The following NIBAN3 variants were observed in gnomAD, a reference collection of about 807,000 sequenced individuals.
NIBAN3 encodes the protein protein Niban 3.
In NIBAN3, 66 loss-of-function variants were observed where a neutral mutation model predicts 76.4. That is an observed-to-expected ratio of 0.86 (90% confidence interval 0.71 to 1.06). The LOEUF (loss-of-function observed/expected upper bound fraction) is 1.06, where lower values mean the gene tolerates loss of function less well. Ranked by LOEUF, NIBAN3 falls within the 50% of genes least tolerant of loss-of-function variation. The pLI is 0.00. For missense variants in NIBAN3, 808 were observed against 810.7 expected (o/e 1.00, Z 0.04); for synonymous variants, 360 against 355.2 (o/e 1.01, Z -0.15).
In NIBAN3 at chr19:17,553,268, G is replaced by T. The variant is rs758504712; in HGVS notation, c.*1370G>T. On this transcript the variant is annotated 3_prime_UTR_variant, in exon 15 of 15. Transcript: ENST00000599164. ...TGTGATACAGGTTACAGATTTTGGG[G>T]TTTTTTTCTCCGCTTGCTGTGAGCC... is the stretch of plus-strand genomic sequence containing the variant. 82 of 1,597,940 alleles carry T rather than the reference G, an allele frequency of 5.1e-5. No homozygotes were observed. The highest frequency in any genetic ancestry group is 2.0e-4 in the East Asian group (9 of 44,630).
At position 17,546,791 on chromosome 19, in the gene NIBAN3, G is replaced by T; in HGVS notation, c.1660G>T (p.Asp554Tyr). ...CCGGGGGTGCTTGCTGCAGAGGATT[G>T]ACCAAGGTGAGTCCCGCCCTGCCAT... is the stretch of plus-strand genomic sequence containing the variant. ...VIRGCLLQRI[D>Y]QELKKTLGAN... Residue 554 changes from aspartate to tyrosine, a missense_variant, in exon 13 of 15, where the codon GAC becomes TAC. Coordinates refer to ENST00000599164, the MANE Select transcript of NIBAN3 (RefSeq NM_001321827.2). The T allele has an allele frequency of 6.3e-7, 1 of 1,595,048 alleles. No homozygotes were observed. The highest frequency in any genetic ancestry group is 1.1e-5 in the South Asian group (1 of 87,696).
intron 4 of NIBAN3, among the ~76,000 whole-genome samples, chr19:17,534,659 CG>C (rs2075791611): frequency 6.6e-6 from 1 of 151,968 alleles, no homozygotes; most frequent in African/African-American, 2.4e-5. Context: ...GTTGTGGTGG[CG>C]GGCACCTGTA....
chr19:17,533,456 A>AGAGG, intron 3 of NIBAN3, 131 bp from the exon 4 acceptor site: 1 of 494,512 alleles, frequency 2.0e-6, no homozygotes, highest in East Asian at 3.3e-5. Flanking sequence ...GGAGGAAAGG[A>AGAGG]GAGGGAGGGA....
chr19:17,543,991 CAAAAA>C (rs11313110), intron 12 of NIBAN3: 16 of 64,394 alleles, frequency 2.5e-4, no homozygotes, highest in South Asian at 4.5e-4. Context: ...AACTCAGTCT[CAAAAA>C]AAAAAAAAAA....
chr19:17,553,609 G>A lies in NIBAN3; in HGVS notation c.*1711G>A, dbSNP rs34631213. ...CTATTTCCCTCCAACCCCACCTTCC[G>A]AAATACATTTGCTCAATACATTTGC... On this transcript the variant is annotated 3_prime_UTR_variant, in exon 15 of 15. Coordinates refer to ENST00000599164, the MANE Select transcript of NIBAN3 (RefSeq NM_001321827.2). 0.24 allele frequency: 367,579 copies of A among 1,525,208 alleles called. 46,002 individuals carry two copies. Among genetic ancestry groups the A allele is most frequent in the African/African-American group, 0.36 (25,986 of 73,046 alleles). The allele number at this position is 1,525,208 out of a possible 1,614,324, so 94.5% of individuals were successfully genotyped here. A position where few individuals can be genotyped will look rare whatever the true frequency, so the allele number is the denominator to read the frequency against.
In NIBAN3 at chr19:17,530,801, G is replaced by A. The variant is rs750514328; in HGVS notation, c.102G>A (p.Gly34=). The A allele has an allele frequency of 1.2e-6, 2 of 1,613,230 alleles. No individual in the cohort carries two copies. The highest frequency in any genetic ancestry group is 4.5e-5 in the East Asian group (2 of 44,818). ...GGAACTTCCTGCCTTGCTACCGTGG[G>A]CAGCTGGCAGCGTCTGTCCTGCGGC... The part of the protein sequence containing the change: ...LLRNFLPCYR[G]QLAASVLRQI... The change falls in exon 2 of 15, where the codon GGG becomes GGA. Residue 34 remains glycine, a synonymous_variant. Coordinates refer to ENST00000599164, the MANE Select transcript of NIBAN3 (RefSeq NM_001321827.2).
At chr19:17,523,556 G>T, upstream of NIBAN3, 1 of 1,006,878 alleles carries the variant, frequency 9.9e-7, no homozygotes, top group Non-Finnish European at 1.5e-6. Context: ...ACGGGGCTGC[G>T]AAGTGAAGGG....
intron 14 of NIBAN3, among the ~76,000 whole-genome samples, chr19:17,550,441 T>C (rs1166352691): frequency 6.6e-6 from 1 of 151,950 alleles, no homozygotes; most frequent in African/African-American, 2.4e-5. Flanking sequence ...CCAAGATAGG[T>C]GGATTGCTTG....
intron 13 of NIBAN3, among the ~76,000 whole-genome samples, chr19:17,548,936 TG>T (rs201931318): frequency 0.036 from 5,231 of 147,264 alleles, 259 homozygotes; most frequent in African/African-American, 0.11. Context: ...AAAAAAAAGT[TG>T]TTTTTTTTTT....
chr19:17,524,267 G>A (rs921844221), upstream of NIBAN3, among the ~76,000 whole-genome samples: 10 of 151,480 alleles, frequency 6.6e-5, no homozygotes, highest in Non-Finnish European at 1.0e-4. Context: ...TTCCTTGCCC[G>A]TCTCATCATC....
At chr19:17,531,695 G>C (rs60369527) in intron 2 of NIBAN3, among the ~76,000 whole-genome samples, 46,050 of 151,914 alleles carry the variant, frequency 0.3, 7,834 homozygotes, top group African/African-American at 0.46. Flanking sequence ...CACCATGCCT[G>C]GGTAATTTTT....
chr19:17,527,453 T>C, intron 1 of NIBAN3, 58 bp downstream of exon 1: 1 of 1,456,888 alleles, frequency 6.9e-7, no homozygotes, highest in East Asian at 2.5e-5. Flanking sequence ...CTCCAGCCAT[T>C]GGGTCCACAT....
At chr19:17,547,580 C>T (rs889621645) in intron 13 of NIBAN3, among the ~76,000 whole-genome samples, 1 of 151,062 alleles carries the variant, frequency 6.6e-6, no homozygotes, top group Admixed American at 6.6e-5. Context: ...GTCTCAAACT[C>T]CTGACATCGT....
intron 14 of NIBAN3, among the ~76,000 whole-genome samples, chr19:17,550,779 C>T (rs1269364469): frequency 1.3e-5 from 2 of 150,714 alleles, no homozygotes; most frequent in African/African-American, 4.9e-5. Flanking sequence ...ACCAAACCAA[C>T]AGGCATTTGG....
At chr19:17,537,814 A>G (rs1469039314) in intron 5 of NIBAN3, among the ~76,000 whole-genome samples, 1 of 152,020 alleles carries the variant, frequency 6.6e-6, no homozygotes, top group Non-Finnish European at 1.5e-5. Flanking sequence ...GGCATGGTGG[A>G]AGGCACCTGT....
Position 17,536,791 on chromosome 19 carries a change from GCAGGAAAATCA to G in NIBAN3, c.428-581_428-571del, listed in dbSNP as rs374077978. 4.8e-3 allele frequency among the ~76,000 whole-genome samples: 732 copies of G among 152,144 alleles called. 7 individuals carry two copies. The highest frequency in any genetic ancestry group is 0.016 in the African/African-American group (682 of 41,514). On this transcript the variant is annotated intron_variant, in intron 4 of 14. Transcript: ENST00000599164. ...CGGTATCACTGTTAACCCCATTTGGGCAGGAAAATCACAGCTCATAGAGCTGTGTGCCCTAG... is the reference window on the plus strand; with the variant it reads ...CGGTATCACTGTTAACCCCATTTGGGCAGCTCATAGAGCTGTGTGCCCTAG...
In NIBAN3 at chr19:17,532,273, G is replaced by C. The variant is rs760683070; in HGVS notation, c.197G>C (p.Arg66Pro). The C allele has an allele frequency of 1.4e-5, 23 of 1,610,992 alleles. No homozygotes were observed. The highest frequency in any genetic ancestry group is 2.0e-5 in the Non-Finnish European group (23 of 1,178,076). ...SQLLRSKKLP[R>P]VREHRGPLTQ... is the part of the protein sequence containing the mutation. ...TCCCTCTTTCTGCAGAAGCTGCCCCGAGTCCGTGAGCACCGAGGACCCCTG... is the reference window on the plus strand; with the variant it reads ...TCCCTCTTTCTGCAGAAGCTGCCCCCAGTCCGTGAGCACCGAGGACCCCTG... The change falls in exon 3 of 15, where the codon CGA (arginine) becomes CCA (proline). Residue 66 changes from arginine (R) to proline (P), a missense_variant. Arg to Pro is a moderately radical substitution (Grantham distance 103, BLOSUM62 -2). Transcript: ENST00000599164.
chr19:17,530,531 CAAAAAAAAAAAAAAA>C (rs558680407), intron 1 of NIBAN3, among the ~76,000 whole-genome samples: 8,050 of 46,704 alleles, frequency 0.17, 314 homozygotes, highest in South Asian at 0.27. Flanking sequence ...GACTCCATCT[CAAAAAAAAAAAAAAA>C]AAAAAAAAAA....
At position 17,539,354 on chromosome 19, in the gene NIBAN3, C is replaced by G; in HGVS notation, c.719C>G (p.Thr240Ser). The change falls in exon 7 of 15, where the codon ACC becomes AGC. Residue 240 changes from threonine (T) to serine (S), a missense_variant. Thr to Ser is a moderately conservative substitution (Grantham distance 58). Transcript: ENST00000599164. ...VTLGSDAEVLTAVLMREQLPA... is the reference protein window; with the variant it reads ...VTLGSDAEVLSAVLMREQLPA... ...TGGCCCCCTCTCCTGCAGGTGCTGA[C>G]CGCGGTGCTGATGCGGGAGCAACTT... 6.5e-7 allele frequency: 1 copy of G among 1,546,464 alleles called. No individual in the cohort carries two copies. Among genetic ancestry groups the G allele is most frequent in the Non-Finnish European group, 8.7e-7 (1 of 1,147,146 alleles).
Sources: gnomAD v4.1 joint callset for allele counts (sites outside exome capture counted in the v4.1 genomes callset) on GRCh38, gnomAD v4.1.1 for gene constraint, MANE v1.5 for transcripts, NCBI Gene and HGNC (gene_info 2026-07-23, HGNC 2026-07-21) for gene names.